The following STXBP5 variants were observed in gnomAD, a reference collection of about 807,000 sequenced individuals.
STXBP5 encodes syntaxin-binding protein 5.
Under a neutral mutation model 152.4 loss-of-function variants are expected in STXBP5, and 50 were observed. The ratio of observed to expected loss-of-function variants is 0.33; its 90% CI spans 0.26 to 0.42. The LOEUF (loss-of-function observed/expected upper bound fraction) is 0.42. Ranked by LOEUF, STXBP5 falls within the 10% of genes least tolerant of loss-of-function variation. The pLI is 1.00. For synonymous variants in STXBP5, 492 were observed against 494.7 expected, an observed-to-expected ratio of 0.99 and a Z score of 0.07; for missense variants, 1,167 against 1,388.6, an observed-to-expected ratio of 0.84 and a Z score of 2.54.
intron 9 of STXBP5, chr6:147,292,983 A>G (rs189566492): frequency 6.6e-6 from 1 of 152,302 alleles, no homozygotes; most frequent in East Asian, 1.9e-4. Flanking sequence ...TGGACTGTAT[A>G]TACAATGACG....
chr6:147,342,283 CAAAG>C (rs891015539), intron 21 of STXBP5, among the ~76,000 whole-genome samples: 35 of 152,236 alleles, frequency 2.3e-4, no homozygotes, highest in African/African-American at 7.2e-4. Flanking sequence ...AGACTAGACT[CAAAG>C]GAAGGATAGC....
chr6:147,206,676 A>G (rs1027277172), intron 2 of STXBP5, among the ~76,000 whole-genome samples: 2 of 152,240 alleles, frequency 1.3e-5, no homozygotes, highest in African/African-American at 4.8e-5. Context: ...CATAGTCTAC[A>G]TTTGTTATGT....
chr6:147,326,071 G>T (rs1442879733), intron 17 of STXBP5, among the ~76,000 whole-genome samples: 1 of 152,120 alleles, frequency 6.6e-6, no homozygotes, highest in Non-Finnish European at 1.5e-5. Context: ...GCAGATTTTA[G>T]TATCTGTGGG....
intron 2 of STXBP5, among the ~76,000 whole-genome samples, chr6:147,229,859 A>T (rs1032251352): frequency 6.6e-6 from 1 of 151,234 alleles, no homozygotes; most frequent in African/African-American, 2.4e-5. Flanking sequence ...TTTTTCTTGC[A>T]CATTTCCATG....
At chr6:147,337,184 C>G (rs1201394237) in intron 19 of STXBP5, among the ~76,000 whole-genome samples, 2 of 143,698 alleles carry the variant, frequency 1.4e-5, no homozygotes, top group South Asian at 4.5e-4. Context: ...TATATATACA[C>G]ATACATAGAC....
chr6:147,344,502 A>T (rs1180521015), intron 21 of STXBP5, among the ~76,000 whole-genome samples: 1 of 152,244 alleles, frequency 6.6e-6, no homozygotes, highest in Non-Finnish European at 1.5e-5. Context: ...GGGAGGTTAG[A>T]AGTCCAAGAT....
intron 6 of STXBP5, 83 bp from the exon 7 acceptor site, chr6:147,266,997 ATGAT>A: frequency 9.3e-7 from 1 of 1,073,322 alleles, no homozygotes; most frequent in Non-Finnish European, 1.4e-6. Context: ...ACGCATTTGA[ATGAT>A]AGTAGTTATT....
chr6:147,249,989 A>G (rs1779005496), intron 4 of STXBP5, among the ~76,000 whole-genome samples: 1 of 152,222 alleles, frequency 6.6e-6, no homozygotes, highest in South Asian at 2.1e-4. Context: ...TGTCTAAAGG[A>G]GTAAAACCCA....
intron 3 of STXBP5, among the ~76,000 whole-genome samples, chr6:147,236,597 G>GTGTT (rs6149846): frequency 0.48 from 73,260 of 151,208 alleles, 17,820 homozygotes; most frequent in East Asian, 0.57. Context: ...ACTCATTTGT[G>GTGTT]TGTGCATGTA....
At chr6:147,341,175 A>T (rs1294941375) in intron 21 of STXBP5, among the ~76,000 whole-genome samples, 1 of 152,000 alleles carries the variant, frequency 6.6e-6, no homozygotes, top group Admixed American at 6.6e-5. Context: ...TTAGACTGTA[A>T]AGTTTTTTTG....
chr6:147,256,019 G>T (rs926842399), intron 4 of STXBP5, among the ~76,000 whole-genome samples: 1 of 152,160 alleles, frequency 6.6e-6, no homozygotes, highest in African/African-American at 2.4e-5. Flanking sequence ...CACATAAGAG[G>T]ATTTAACACA....
At chr6:147,352,407 G>A (rs151304680) in intron 21 of STXBP5, among the ~76,000 whole-genome samples, 67 of 152,098 alleles carry the variant, frequency 4.4e-4, no homozygotes, top group Non-Finnish European at 7.9e-4. Context: ...AGGCCGAAGC[G>A]AGTGGATCAC....
chr6:147,220,209 A>T (rs1022318543), intron 2 of STXBP5, among the ~76,000 whole-genome samples: 3 of 151,954 alleles, frequency 2.0e-5, no homozygotes, highest in Admixed American at 1.3e-4. Flanking sequence ...ATCGATTTCT[A>T]GTTTACTTCC....
At chr6:147,357,017 C>T (rs893299436) in intron 22 of STXBP5, among the ~76,000 whole-genome samples, 7 of 152,066 alleles carry the variant, frequency 4.6e-5, no homozygotes, top group African/African-American at 1.7e-4. Flanking sequence ...CTTTCACATG[C>T]AAGACAGTGT....
At position 147,390,271 on chromosome 6, in the gene STXBP5, A is replaced by G. The variant is rs958992452; in HGVS notation, c.*5516A>G. On this transcript the variant is annotated 3_prime_UTR_variant, in exon 28 of 28. Coordinates refer to ENST00000321680, the MANE Select transcript of STXBP5 (RefSeq NM_001127715.4). ...TTATTTTGCATTCCTGTACTTTACA[A>G]ACTGTCATCACAGCAAAAAGTTTAA... is the stretch of plus-strand genomic sequence containing the variant. 2.0e-5 allele frequency: 3 copies of G among 152,108 alleles called. No homozygotes were observed. The highest frequency in any genetic ancestry group is 4.4e-5 in the Non-Finnish European group (3 of 67,972). The allele number at this position is 152,108 out of a possible 1,614,324, so 9.4% of individuals were successfully genotyped here. A position where few individuals can be genotyped will look rare whatever the true frequency, so the allele number is the denominator to read the frequency against.
intron 26 of STXBP5, among the ~76,000 whole-genome samples, chr6:147,381,116 C>A (rs565199331): frequency 6.6e-6 from 1 of 152,126 alleles, no homozygotes; most frequent in African/African-American, 2.4e-5. Context: ...GAAACCCTGC[C>A]CCCATGATTC....
chr6:147,272,249 C>T (rs965520848), intron 7 of STXBP5, among the ~76,000 whole-genome samples: 1 of 152,136 alleles, frequency 6.6e-6, no homozygotes, highest in Admixed American at 6.5e-5. Context: ...CAACTCACTT[C>T]ATGAGGCAAG....
intron 22 of STXBP5, among the ~76,000 whole-genome samples, chr6:147,354,371 T>C (rs1216154088): frequency 6.6e-6 from 1 of 151,928 alleles, no homozygotes; most frequent in Non-Finnish European, 1.5e-5. Context: ...AACAACTTAG[T>C]AGAACCCTAT....
intron 8 of STXBP5, among the ~76,000 whole-genome samples, chr6:147,289,773 A>T (rs1483471852): frequency 6.6e-6 from 1 of 152,216 alleles, no homozygotes; most frequent in Non-Finnish European, 1.5e-5. Flanking sequence ...ATATGGCAAA[A>T]TACGGTCTTA....
Sources: allele counts gnomAD v4.1 joint callset (sites outside exome capture counted in the v4.1 genomes callset), GRCh38; gene constraint gnomAD v4.1.1; transcripts MANE v1.5; gene names NCBI Gene and HGNC (gene_info 2026-07-23, HGNC 2026-07-21).